DOCK3: variants seen among roughly 807,000 people sequenced by gnomAD.
The protein encoded by DOCK3 is dedicator of cytokinesis protein 3.
Under a neutral mutation model 265.6 loss-of-function variants are expected in DOCK3, and 60 were observed. The observed-to-expected ratio is 0.23, with a 90% CI of 0.18 to 0.28. DOCK3 has a LOEUF of 0.28. Ranked by LOEUF, DOCK3 falls within the 10% of genes least tolerant of loss-of-function variation. DOCK3 has a pLI of 1.00. For missense variants in DOCK3, 1,981 were observed against 2,594.3 expected, an observed-to-expected ratio of 0.76 and a Z score of 5.14; for synonymous variants, 881 against 938.0, an observed-to-expected ratio of 0.94 and a Z score of 1.11.
chr3:51,228,012 G>A lies in DOCK3; in HGVS notation c.1571G>A (p.Gly524Asp). 6.2e-7 allele frequency: 1 copy of A among 1,613,988 alleles called. No homozygotes were observed. Among genetic ancestry groups the A allele is most frequent in the Non-Finnish European group, 8.5e-7 (1 of 1,179,894 alleles). ...TKDKGEKKLF[G>D]FAFSTLMRDD... Reference sequence around the variant, plus strand: ...GACAAAGGGGAAAAGAAACTCTTTGGCTTTGCATTCTCAACCCTGATGCGT... The same window carrying A: ...GACAAAGGGGAAAAGAAACTCTTTGACTTTGCATTCTCAACCCTGATGCGT... The change falls in exon 17 of 53, where the codon GGC becomes GAC. Residue 524 changes from glycine (G) to aspartate (D), a missense_variant. Physicochemically the swap from Gly to Asp is moderately conservative, Grantham distance 94. Coordinates refer to ENST00000266037, the MANE Select transcript of DOCK3 (RefSeq NM_004947.5).
chr3:51,212,336 T>C (rs182761365), intron 13 of DOCK3, among the ~76,000 whole-genome samples: 1 of 152,228 alleles, frequency 6.6e-6, no homozygotes, highest in East Asian at 1.9e-4. Context: ...TTTGCTTCTG[T>C]ACACCATTTT....
At chr3:50,934,515 G>C (rs951820956) in intron 5 of DOCK3, among the ~76,000 whole-genome samples, 2 of 152,082 alleles carry the variant, frequency 1.3e-5, no homozygotes, top group Non-Finnish European at 2.9e-5. Context: ...CACTTTGCTG[G>C]CCCAAAAAAT....
intron 9 of DOCK3, among the ~76,000 whole-genome samples, chr3:51,129,583 A>T (rs1015598452): frequency 2.0e-5 from 3 of 152,232 alleles, no homozygotes; most frequent in African/African-American, 7.2e-5. Context: ...GAAAGCACCC[A>T]GCTCATGATA....
intron 4 of DOCK3, among the ~76,000 whole-genome samples, chr3:50,928,794 C>T (rs574152609): frequency 6.6e-6 from 1 of 152,184 alleles, no homozygotes; most frequent in Non-Finnish European, 1.5e-5. Context: ...TGATGGTTTG[C>T]CTTAAGATTT....
chr3:51,041,119 A>G (rs943794574), intron 5 of DOCK3, among the ~76,000 whole-genome samples: 5 of 132,502 alleles, frequency 3.8e-5, no homozygotes, highest in Non-Finnish European at 4.7e-5. Context: ...GCCCAGATCC[A>G]TCAGAGGAAT....
chr3:50,889,888 ATACT>A lies in DOCK3; in HGVS notation c.163-135_163-132del. 3 of 591,566 alleles carry A rather than the reference ATACT, an allele frequency of 5.1e-6. No homozygotes were observed. The East Asian group carries it at 1.1e-4, about 21-fold the overall frequency. 36.6% of individuals were successfully genotyped at this position (591,566 alleles called of 1,614,324 possible). On this transcript the variant is annotated intron_variant, in intron 3 of 52. Transcript: ENST00000266037. ...CCTAATATACTTTGTACAGCTCTGC[ATACT>A]TAATATGCAAAGTGGTTGCTGTAGC...
intron 1 of DOCK3, among the ~76,000 whole-genome samples, chr3:50,769,615 A>AGCCTGGCCAT: frequency 6.6e-6 from 1 of 152,174 alleles, no homozygotes; most frequent in Middle Eastern, 3.4e-3. Context: ...GTTCGAGACC[A>AGCCTGGCCAT]GCCTGGCCAA....
intron 12 of DOCK3, among the ~76,000 whole-genome samples, chr3:51,204,265 A>G (rs2089026038): frequency 6.7e-6 from 1 of 148,238 alleles, no homozygotes; most frequent in South Asian, 2.2e-4. Flanking sequence ...CAACCTACTC[A>G]TCTGACAAAG....
intron 32 of DOCK3, among the ~76,000 whole-genome samples, chr3:51,327,987 A>AC (rs1194177879): frequency 1.3e-5 from 2 of 152,018 alleles, no homozygotes; most frequent in Non-Finnish European, 2.9e-5. Context: ...CAGCCCCATC[A>AC]CCAGCTTCTT....
chr3:50,930,472 G>A (rs774227786), intron 4 of DOCK3, among the ~76,000 whole-genome samples: 18 of 152,148 alleles, frequency 1.2e-4, no homozygotes, highest in Non-Finnish European at 2.4e-4. Context: ...TGCCCAAAAC[G>A]ATGGGGCTGC....
chr3:51,202,252 A>C (rs1453145771), intron 12 of DOCK3, among the ~76,000 whole-genome samples: 3 of 149,710 alleles, frequency 2.0e-5, no homozygotes, highest in Admixed American at 6.7e-5. Context: ...AAGAATCAAC[A>C]AAATTGATAG....
At chr3:51,164,107 C>G (rs2107560535) in intron 12 of DOCK3, among the ~76,000 whole-genome samples, 1 of 152,286 alleles carries the variant, frequency 6.6e-6, no homozygotes, top group South Asian at 2.1e-4. Context: ...CCGCCACTTA[C>G]TATGCTACTT....
intron 4 of DOCK3, among the ~76,000 whole-genome samples, chr3:50,916,197 G>T (rs1174319145): frequency 6.6e-6 from 1 of 152,060 alleles, no homozygotes; most frequent in Non-Finnish European, 1.5e-5. Context: ...GACTGCATTG[G>T]CCTGAGTGTT....
intron 5 of DOCK3, among the ~76,000 whole-genome samples, chr3:50,957,632 A>G (rs2076765077): frequency 6.6e-6 from 1 of 152,220 alleles, no homozygotes; most frequent in African/African-American, 2.4e-5. Flanking sequence ...AGGAATTGTT[A>G]TTTAGGCGAA....
At chr3:51,354,736 A>C (rs2086245974) in intron 40 of DOCK3, 146 bp from the exon 41 acceptor site, 1 of 1,223,282 alleles carries the variant, frequency 8.2e-7, no homozygotes, top group South Asian at 1.6e-5. Context: ...TGCCTCCTTG[A>C]GTGCAATGCC....
intron 5 of DOCK3, among the ~76,000 whole-genome samples, chr3:50,989,750 A>G (rs1176189588): frequency 6.6e-6 from 1 of 152,252 alleles, no homozygotes; most frequent in Non-Finnish European, 1.5e-5. Context: ...AAAGTGTCAT[A>G]TGTCTTCCAG....
intron 1 of DOCK3, among the ~76,000 whole-genome samples, chr3:50,689,432 C>G (rs2107723637): frequency 6.6e-6 from 1 of 152,194 alleles, no homozygotes; most frequent in South Asian, 2.1e-4. Context: ...AGGAGAAGTG[C>G]CAAGCAAAAG....
chr3:50,747,942 A>T (rs1415168108), intron 1 of DOCK3, among the ~76,000 whole-genome samples: 1 of 151,936 alleles, frequency 6.6e-6, no homozygotes, highest in Non-Finnish European at 1.5e-5. Context: ...TGTTTTTTGC[A>T]TAGTGATCTT....
chr3:50,867,605 G>T (rs1438781817), intron 3 of DOCK3, among the ~76,000 whole-genome samples: 1 of 141,422 alleles, frequency 7.1e-6, no homozygotes, highest in Admixed American at 7.0e-5. Context: ...CTAGTTACCT[G>T]TTTTTTTTTT....
Sources: allele counts gnomAD v4.1 joint callset (sites outside exome capture counted in the v4.1 genomes callset), GRCh38; gene constraint gnomAD v4.1.1; transcripts MANE v1.5; gene names NCBI Gene and HGNC (gene_info 2026-07-23, HGNC 2026-07-21).